The following AFDN variants were observed in gnomAD, a reference collection of about 807,000 sequenced individuals.
The protein encoded by AFDN is afadin, adherens junction formation factor.
A neutral mutation model predicts 216.6 loss-of-function variants in AFDN; 68 were observed. The observed-to-expected ratio is 0.31, with a 90% confidence interval of 0.26 to 0.38. AFDN has a LOEUF of 0.38. Ranked by LOEUF, AFDN falls within the 10% of genes least tolerant of loss-of-function variation. The probability of loss-of-function intolerance (pLI) is 1.00; values close to 1 mark genes in which losing one functional copy is unlikely to be tolerated. For missense variants in AFDN, 2,136 were observed against 2,342.0 expected, an observed-to-expected ratio of 0.91 and a Z score of 1.82; for synonymous variants, 868 against 853.7, an observed-to-expected ratio of 1.02 and a Z score of -0.29.
At chr6:167,914,527 A>C (rs1790799120) in intron 17 of AFDN, 117 bp from the exon 18 acceptor site, 1 of 750,326 alleles carries the variant, frequency 1.3e-6, no homozygotes, top group Admixed American at 3.1e-5. Context: ...AAGATTCCAC[A>C]TTTTTTTTTT....
At chr6:167,939,033 CTG>C (rs1794357109) in intron 23 of AFDN, among the ~76,000 whole-genome samples, 1 of 152,092 alleles carries the variant, frequency 6.6e-6, no homozygotes, top group Non-Finnish European at 1.5e-5. Context: ...GTCTAAGTAA[CTG>C]TCATTTTTTT....
Position 167,962,071 on chromosome 6 carries a change from C to T in AFDN, c.4834-362C>T, listed in dbSNP as rs1457039812. Among the ~76,000 whole-genome samples the T allele has an allele frequency of 6.6e-6, 1 of 152,170 alleles. No individual in the cohort carries two copies. Among genetic ancestry groups the T allele is most frequent in the Non-Finnish European group, 1.5e-5 (1 of 68,036 alleles). The stretch of plus-strand genomic sequence containing the variant: ...GTTTCAGTGTGTTCTGCAGGTCCAT[C>T]AAGTGGGGCCTGTTTGAGCCTGTTA... On this transcript the variant is annotated intron_variant, in intron 30 of 33. Transcript: ENST00000683244. This position sits in a 1 kb window ranked among gnomAD's most constrained non-coding sequence, Gnocchi z 5.2.
At position 167,913,408 on chromosome 6, in the gene AFDN, AGACCAGGTT is replaced by A; in HGVS notation, c.2052_2058+2del. 6.5e-7 allele frequency: 1 copy of A among 1,535,968 alleles called. No homozygotes were observed. The highest frequency in any genetic ancestry group is 1.2e-5 in the South Asian group (1 of 84,058). ...CCTCGTCTGTTTTTCTCCAGGAAGT[AGACCAGGTT>A]GACCAGGTAGGACATCTGCTGGGAG... is the stretch of plus-strand genomic sequence containing the variant. On this transcript the variant is annotated inframe_deletion, in exon 16 of 34. Transcript: ENST00000683244.
rs191012401 is a variant in AFDN, at chr6:167,956,713, C to T, written c.4833+4526C>T. 8.0e-4 allele frequency among the ~76,000 whole-genome samples: 122 copies of T among 152,312 alleles called. No individual in the cohort carries two copies. The Middle Eastern group carries it at 0.01, about 13-fold the overall frequency. On this transcript the variant is annotated intron_variant, in intron 30 of 33. Transcript: ENST00000683244. The stretch of plus-strand genomic sequence containing the variant: ...GCCTTCCCCATTTCAGCTGATGCTT[C>T]GAGTTGCTCAGGCAAGAAACCTCAC...
At chr6:167,942,310 C>T (rs1175681175) in intron 23 of AFDN, among the ~76,000 whole-genome samples, 3 of 152,108 alleles carry the variant, frequency 2.0e-5, no homozygotes, top group African/African-American at 7.2e-5. Flanking sequence ...TTACTCTTAC[C>T]GTACAGTGCC....
chr6:167,863,596 T>C (rs1783828706), intron 1 of AFDN, among the ~76,000 whole-genome samples: 1 of 152,254 alleles, frequency 6.6e-6, no homozygotes, highest in Admixed American at 6.5e-5. Flanking sequence ...AACAACTGAA[T>C]CTTTAATCTT....
intron 1 of AFDN, among the ~76,000 whole-genome samples, chr6:167,828,957 A>G (rs1366698766): frequency 6.6e-6 from 1 of 151,972 alleles, no homozygotes; most frequent in Admixed American, 6.6e-5. Flanking sequence ...GAAACTTTTT[A>G]TTTCTTAGTG....
chr6:167,954,423 C>T, intron 30 of AFDN: 4 of 1,553,486 alleles, frequency 2.6e-6, no homozygotes, highest in Non-Finnish European at 3.5e-6. Flanking sequence ...CACACTTCAT[C>T]TTTCTTTTTT....
chr6:167,864,522 C>T (rs1783960085), intron 1 of AFDN, 29 bp from the exon 2 acceptor site: 1 of 1,587,070 alleles, frequency 6.3e-7, no homozygotes, highest in Non-Finnish European at 8.6e-7. Flanking sequence ...TGTTGTTTTC[C>T]AAAAATGTAC....
At chr6:167,903,210 A>G (rs749857111) in intron 12 of AFDN, among the ~76,000 whole-genome samples, 8 of 152,192 alleles carry the variant, frequency 5.3e-5, no homozygotes, top group Non-Finnish European at 1.2e-4. Context: ...AACAGCAACC[A>G]TTTTATTTGT....
At chr6:167,914,434 A>C (rs984957726) in intron 17 of AFDN, 121 bp downstream of exon 17, 1 of 1,334,658 alleles carries the variant, frequency 7.5e-7, no homozygotes, top group South Asian at 1.5e-5. Context: ...GAATATAAAG[A>C]AGCATACATT....
In AFDN at chr6:167,949,965, G is replaced by T. The variant is rs1583020445; in HGVS notation, c.3832-1221G>T. On this transcript the variant is annotated intron_variant, in intron 29 of 33. Coordinates refer to ENST00000683244, the MANE Select transcript of AFDN (RefSeq NM_001386888.1). ...GCGAGGAGGTGGAGAGTGCGAGCCAGCAGCCGGGGCCAGTGCAAAGTCTTA... is the reference window on the plus strand; with the variant it reads ...GCGAGGAGGTGGAGAGTGCGAGCCATCAGCCGGGGCCAGTGCAAAGTCTTA... 2.6e-5 allele frequency among the ~76,000 whole-genome samples: 4 copies of T among 152,310 alleles called. No homozygotes were observed. The South Asian group carries it at 8.3e-4, about 32-fold the overall frequency.
chr6:167,897,046 TG>T, intron 10 of AFDN, 74 bp downstream of exon 10: 1 of 743,164 alleles, frequency 1.3e-6, no homozygotes, highest in Non-Finnish European at 2.3e-6. Flanking sequence ...GCCTGCCACA[TG>T]GTAATGAAAG....
chr6:167,889,338 A>G lies in AFDN; in HGVS notation c.1009+12A>G, dbSNP rs1480505972. On this transcript the variant is annotated intron_variant, in intron 7 of 33. Coordinates refer to ENST00000683244, the MANE Select transcript of AFDN (RefSeq NM_001386888.1). Reference sequence around the variant, plus strand: ...GCCAAGTGACAAAGGTAGTAACCTTATTAAAGGATTACTTACACCAGATTC... The same window carrying G: ...GCCAAGTGACAAAGGTAGTAACCTTGTTAAAGGATTACTTACACCAGATTC... 1 of 1,545,016 alleles carries G rather than the reference A, an allele frequency of 6.5e-7. No homozygotes were observed. Among genetic ancestry groups the G allele is most frequent in the East Asian group, 2.2e-5 (1 of 44,522 alleles).
At chr6:167,865,988 C>A (rs1583209500) in intron 2 of AFDN, among the ~76,000 whole-genome samples, 1 of 151,934 alleles carries the variant, frequency 6.6e-6, no homozygotes, top group Non-Finnish European at 1.5e-5. Context: ...ATCATTAATG[C>A]CAAAACTAAA....
intron 2 of AFDN, 128 bp downstream of exon 2, chr6:167,864,874 G>T (rs752048610): frequency 6.1e-6 from 6 of 978,840 alleles, no homozygotes; most frequent in Non-Finnish European, 9.9e-6. Flanking sequence ...TGGTGGGTAG[G>T]AGAGTAGCTG....
At chr6:167,950,781 G>T (rs1197762920) in intron 29 of AFDN, among the ~76,000 whole-genome samples, 3 of 152,138 alleles carry the variant, frequency 2.0e-5, no homozygotes, top group Non-Finnish European at 4.4e-5. Flanking sequence ...ACACAGGAGG[G>T]TGAGGAGGAT....
intron 23 of AFDN, among the ~76,000 whole-genome samples, chr6:167,935,903 T>G (rs574560529): frequency 4.2e-4 from 64 of 152,312 alleles, no homozygotes; most frequent in African/African-American, 1.5e-3. Context: ...TACCTATCAT[T>G]ACTCATAACA....
intron 26 of AFDN, among the ~76,000 whole-genome samples, chr6:167,945,841 A>G: frequency 6.6e-6 from 1 of 152,244 alleles, no homozygotes; most frequent in East Asian, 1.9e-4. Flanking sequence ...TTTTAAAATA[A>G]TTAGTTCAGA....
Sources: gnomAD v4.1 joint callset for allele counts (sites outside exome capture counted in the v4.1 genomes callset) on GRCh38, gnomAD v4.1.1 for gene constraint, Gnocchi (gnomAD v3.1) non-coding constraint, MANE v1.5 for transcripts, NCBI Gene and HGNC (gene_info 2026-07-23, HGNC 2026-07-21) for gene names.